DLGAP1: variants seen among roughly 807,000 people sequenced by gnomAD.
DLGAP1 encodes the protein disks large-associated protein 1.
A neutral mutation model predicts 90.8 loss-of-function variants in DLGAP1; 11 were observed. That is an observed-to-expected ratio of 0.12 (90% confidence interval 0.08 to 0.20). The LOEUF (loss-of-function observed/expected upper bound fraction) is 0.20, where lower values mean the gene tolerates loss of function less well. Among genes scored for constraint, DLGAP1 ranks in the 10% least tolerant of loss-of-function variants. DLGAP1 has a pLI of 1.00. For missense variants in DLGAP1, 1,050 were observed against 1,333.8 expected (o/e 0.79, Z 3.31); for synonymous variants, 558 against 540.7 (o/e 1.03, Z -0.44).
At chr18:3,977,434 G>GGGTTTT (rs767760816) in intron 3 of DLGAP1, among the ~76,000 whole-genome samples, 1 of 95,332 alleles carries the variant, frequency 1.0e-5, no homozygotes, top group African/African-American at 4.2e-5. Context: ...TTTATTCTGT[G>GGGTTTT]TTTTTTTTTT....
chr18:4,069,379 A>G (rs530403850), intron 2 of DLGAP1, among the ~76,000 whole-genome samples: 8 of 152,284 alleles, frequency 5.3e-5, no homozygotes, highest in Admixed American at 1.3e-4. Flanking sequence ...TGCAAGTCAT[A>G]CTGACTGATA....
intron 8 of DLGAP1, among the ~76,000 whole-genome samples, chr18:3,568,488 A>G (rs1381152942): frequency 6.6e-6 from 1 of 152,076 alleles, no homozygotes; most frequent in Non-Finnish European, 1.5e-5. Context: ...TAGAATTATT[A>G]GGTTTATTCC....
chr18:3,851,411 T>C (rs2069334392), intron 4 of DLGAP1, among the ~76,000 whole-genome samples: 1 of 152,200 alleles, frequency 6.6e-6, no homozygotes. Context: ...AGTCAGATGA[T>C]GTGTGACTAT....
intron 4 of DLGAP1, among the ~76,000 whole-genome samples, chr18:3,869,143 G>C (rs1288364857): frequency 1.3e-5 from 2 of 149,280 alleles, no homozygotes; most frequent in South Asian, 2.1e-4. Context: ...ACAAAAGCAA[G>C]TGTGTATTGC....
At chr18:4,145,611 G>A (rs1290591570) in intron 2 of DLGAP1, among the ~76,000 whole-genome samples, 1 of 152,144 alleles carries the variant, frequency 6.6e-6, no homozygotes, top group Admixed American at 6.5e-5. Flanking sequence ...ATATCTGCAT[G>A]AATCTCTTAG....
At chr18:4,052,611 A>G (rs1568370450) in intron 2 of DLGAP1, among the ~76,000 whole-genome samples, 1 of 152,094 alleles carries the variant, frequency 6.6e-6, no homozygotes, top group African/African-American at 2.4e-5. Flanking sequence ...TGCCCTGGAG[A>G]CATTTTCCCC....
intron 2 of DLGAP1, among the ~76,000 whole-genome samples, chr18:4,087,079 ATATATGTATATATGTATATATGTG>A (rs2075695794): frequency 1.2e-5 from 1 of 84,646 alleles, no homozygotes; most frequent in African/African-American, 4.7e-5. Context: ...TTATATATAC[ATATATGTATATATGTATATATGTG>A]CTATATATAT....
intron 2 of DLGAP1, among the ~76,000 whole-genome samples, chr18:4,105,839 G>T (rs1009417125): frequency 6.6e-6 from 1 of 151,756 alleles, no homozygotes; most frequent in African/African-American, 2.4e-5. Context: ...GACCATCCTG[G>T]CTAACACGGT....
intron 1 of DLGAP1, among the ~76,000 whole-genome samples, chr18:4,326,249 T>C (rs1482649267): frequency 6.6e-6 from 1 of 152,162 alleles, no homozygotes; most frequent in Non-Finnish European, 1.5e-5. Context: ...GAAAAAATGC[T>C]AACATTGTTA....
chr18:4,145,124 C>G (rs2076563533), intron 2 of DLGAP1, among the ~76,000 whole-genome samples: 1 of 152,068 alleles, frequency 6.6e-6, no homozygotes, highest in Admixed American at 6.6e-5. Context: ...TATCACCACC[C>G]CCACAATATG....
intron 2 of DLGAP1, among the ~76,000 whole-genome samples, chr18:4,026,590 G>A (rs985264345): frequency 1.3e-5 from 2 of 152,140 alleles, no homozygotes; most frequent in African/African-American, 2.4e-5. Context: ...GGAGCTCTGA[G>A]TATAAGCAAT....
At chr18:3,761,107 A>C (rs1387500723) in intron 5 of DLGAP1, among the ~76,000 whole-genome samples, 1 of 152,174 alleles carries the variant, frequency 6.6e-6, no homozygotes, top group Non-Finnish European at 1.5e-5. Context: ...AATCCACTGA[A>C]TTCACCATTT....
chr18:4,051,445 G>A (rs1270461579), intron 2 of DLGAP1, among the ~76,000 whole-genome samples: 1 of 152,168 alleles, frequency 6.6e-6, no homozygotes, highest in Non-Finnish European at 1.5e-5. Flanking sequence ...AGTGAAGTGG[G>A]GGGAAAGCCC....
chr18:3,687,616 TTA>T, intron 7 of DLGAP1, among the ~76,000 whole-genome samples: 1 of 152,168 alleles, frequency 6.6e-6, no homozygotes, highest in Non-Finnish European at 1.5e-5. Flanking sequence ...TATTAACTAA[TTA>T]TATATAGTCA....
intron 8 of DLGAP1, among the ~76,000 whole-genome samples, chr18:3,573,458 T>C (rs1347310211): frequency 1.3e-5 from 2 of 152,108 alleles, no homozygotes; most frequent in African/African-American, 4.8e-5. Context: ...GCCTAGATCA[T>C]ACCACCGCAC....
At chr18:3,604,511 C>T (rs1433918259) in intron 7 of DLGAP1, 1 of 152,008 alleles carries the variant, frequency 6.6e-6, no homozygotes, top group South Asian at 2.1e-4. Context: ...AGTGGTGATA[C>T]CTTTACCCTC....
At chr18:4,130,690 C>T (rs1039370719) in intron 2 of DLGAP1, among the ~76,000 whole-genome samples, 1 of 152,052 alleles carries the variant, frequency 6.6e-6, no homozygotes, top group Non-Finnish European at 1.5e-5. Context: ...AGAACATGAA[C>T]ACGGACCACA....
chr18:3,828,639 C>CAAAAAAAAAAAAAA (rs71368713), intron 4 of DLGAP1, among the ~76,000 whole-genome samples: 2 of 21,366 alleles, frequency 9.4e-5, no homozygotes, highest in Admixed American at 7.1e-4. Context: ...GACTCTATCT[C>CAAAAAAAAAAAAAA]AAAAAAAAAA....
chr18:3,683,069 G>C (rs1292005438), intron 7 of DLGAP1, among the ~76,000 whole-genome samples: 2 of 151,888 alleles, frequency 1.3e-5, no homozygotes, highest in Non-Finnish European at 2.9e-5. Flanking sequence ...TGTTGGCCAG[G>C]CTGGTCTCGA....
Sources: gnomAD v4.1 joint callset for allele counts (sites outside exome capture counted in the v4.1 genomes callset) on GRCh38, gnomAD v4.1.1 for gene constraint, MANE v1.5 for transcripts, NCBI Gene and HGNC (gene_info 2026-07-23, HGNC 2026-07-21) for gene names.